Variants in SRFBP1 observed in about 807,000 individuals in gnomAD.
SRFBP1 encodes serum response factor binding protein 1, also known as serum response factor-binding protein 1.
Under a neutral mutation model 45.5 loss-of-function variants are expected in SRFBP1, and 47 were observed. The observed-to-expected ratio is 1.03, with a 90% CI of 0.82 to 1.32. The LOEUF is 1.32. Among genes scored for constraint, SRFBP1 ranks in the 40% most tolerant of loss-of-function variants. SRFBP1 has a pLI of 0.00. For synonymous variants in SRFBP1, 203 were observed against 166.3 expected, an observed-to-expected ratio of 1.22 and a Z score of -1.70; for missense variants, 621 against 484.6, an observed-to-expected ratio of 1.28 and a Z score of -2.64.
chr5:122,039,926 T>C (rs1753747205), intron 2 of SRFBP1, among the ~76,000 whole-genome samples: 1 of 152,202 alleles, frequency 6.6e-6, no homozygotes, highest in Non-Finnish European at 1.5e-5. Context: ...CATATAATCA[T>C]GTAAATGTTC....
chr5:121,963,997 C>T (rs1433109214), intron 1 of SRFBP1, among the ~76,000 whole-genome samples: 1 of 151,652 alleles, frequency 6.6e-6, no homozygotes, highest in Non-Finnish European at 1.5e-5. Context: ...ATAGGAAATA[C>T]CTCATAGAAA....
chr5:122,033,076 G>A (rs1409147290), downstream of SRFBP1, among the ~76,000 whole-genome samples: 2 of 152,016 alleles, frequency 1.3e-5, no homozygotes, highest in African/African-American at 2.4e-5. Context: ...TACTCTTTGG[G>A]AGGATAGTTG....
intron 2 of SRFBP1, among the ~76,000 whole-genome samples, chr5:122,052,705 T>A (rs1287711353): frequency 6.6e-6 from 1 of 152,204 alleles, no homozygotes; most frequent in African/African-American, 2.4e-5. Context: ...CTCCTCAACC[T>A]CAATGATCTT....
intron 3 of SRFBP1, 105 bp downstream of exon 3, chr5:121,975,492 C>A (rs1450316429): frequency 3.4e-6 from 4 of 1,180,006 alleles, no homozygotes; most frequent in Non-Finnish European, 3.7e-6. Flanking sequence ...CCGAGAGTTG[C>A]GTAAGACATC....
At chr5:122,025,944 G>A (rs1247984339) in intron 7 of SRFBP1, among the ~76,000 whole-genome samples, 3 of 152,072 alleles carry the variant, frequency 2.0e-5, no homozygotes, top group Non-Finnish European at 4.4e-5. Flanking sequence ...ACATAAATTA[G>A]CCAGGCATAG....
At chr5:122,017,807 T>G (rs1753220651) in intron 4 of SRFBP1, among the ~76,000 whole-genome samples, 1 of 152,230 alleles carries the variant, frequency 6.6e-6, no homozygotes, top group African/African-American at 2.4e-5. Context: ...CTGTTCACAA[T>G]GAAGGGTAAA....
intron 4 of SRFBP1, among the ~76,000 whole-genome samples, chr5:122,012,020 G>T (rs1449830602): frequency 1.3e-5 from 2 of 152,114 alleles, no homozygotes; most frequent in Non-Finnish European, 2.9e-5. Flanking sequence ...CTGGAGTTGG[G>T]TCATGAAATG....
intron 2 of SRFBP1, among the ~76,000 whole-genome samples, chr5:122,057,087 A>G (rs1754091513): frequency 6.6e-6 from 1 of 152,202 alleles, no homozygotes; most frequent in Non-Finnish European, 1.5e-5. Flanking sequence ...CACCTTGCCA[A>G]GTGTCCTTAG....
intron 1 of SRFBP1, among the ~76,000 whole-genome samples, chr5:121,962,628 C>T (rs986939511): frequency 1.3e-5 from 2 of 152,184 alleles, no homozygotes; most frequent in Admixed American, 1.3e-4. Context: ...TTGCTATCCT[C>T]AATTCTTTTT....
At chr5:122,056,772 A>C (rs559810210) in intron 2 of SRFBP1, among the ~76,000 whole-genome samples, 1 of 152,306 alleles carries the variant, frequency 6.6e-6, no homozygotes, top group Non-Finnish European at 1.5e-5. Flanking sequence ...TGAATCTATA[A>C]AAAGGAATCA....
chr5:122,025,539 T>C (rs189042342), intron 7 of SRFBP1, among the ~76,000 whole-genome samples: 103 of 152,330 alleles, frequency 6.8e-4, no homozygotes, highest in African/African-American at 2.3e-3. Context: ...ATCGCCACAC[T>C]GACTTCCACA....
At chr5:121,970,397 C>T (rs1477591548) in intron 1 of SRFBP1, among the ~76,000 whole-genome samples, 2 of 152,096 alleles carry the variant, frequency 1.3e-5, no homozygotes, top group Non-Finnish European at 2.9e-5. Flanking sequence ...TCTCATGCAC[C>T]TGCAAAGTTC....
chr5:122,034,261 T>C (rs1753647456), intron 2 of SRFBP1, among the ~76,000 whole-genome samples: 1 of 152,222 alleles, frequency 6.6e-6, no homozygotes, highest in Non-Finnish European at 1.5e-5. Context: ...AAGATGAATA[T>C]GTTTGCTGTC....
intron 2 of SRFBP1, among the ~76,000 whole-genome samples, chr5:122,057,935 T>TC (rs1351101162): frequency 2.6e-5 from 4 of 152,112 alleles, no homozygotes; most frequent in Non-Finnish European, 5.9e-5. Context: ...CTCCTCAGCC[T>TC]CCCCCAAGTG....
intron 2 of SRFBP1, among the ~76,000 whole-genome samples, chr5:122,059,108 G>GT (rs1292097341): frequency 1.3e-5 from 2 of 152,022 alleles, no homozygotes; most frequent in Admixed American, 6.6e-5. Flanking sequence ...AGAGTATGTC[G>GT]TTTTTTTCCA....
intron 2 of SRFBP1, among the ~76,000 whole-genome samples, chr5:122,072,027 T>C (rs192642035): frequency 6.6e-6 from 1 of 152,218 alleles, no homozygotes; most frequent in Non-Finnish European, 1.5e-5. Flanking sequence ...GAAGAATTTT[T>C]GGTCTGATTC....
At chr5:122,045,611 G>A (rs1325816638) in intron 2 of SRFBP1, among the ~76,000 whole-genome samples, 1 of 152,040 alleles carries the variant, frequency 6.6e-6, no homozygotes, top group Non-Finnish European at 1.5e-5. Flanking sequence ...TATTCTTTTT[G>A]TGGTAATTGT....
intron 1 of SRFBP1, among the ~76,000 whole-genome samples, chr5:121,968,241 T>C (rs978017117): frequency 1.3e-5 from 2 of 149,906 alleles, no homozygotes; most frequent in Admixed American, 6.6e-5. Context: ...ATTATTATTA[T>C]TATTATTATT....
intron 2 of SRFBP1, among the ~76,000 whole-genome samples, chr5:122,046,966 G>T (rs1271554784): frequency 1.3e-5 from 2 of 152,070 alleles, no homozygotes; most frequent in African/African-American, 4.8e-5. Flanking sequence ...AGATGAGTAG[G>T]TTGCAGACAT....
Sources: allele counts gnomAD v4.1 joint callset (sites outside exome capture counted in the v4.1 genomes callset), GRCh38; gene constraint gnomAD v4.1.1; transcripts MANE v1.5; gene names NCBI Gene and HGNC (gene_info 2026-07-23, HGNC 2026-07-21).